Variants in SLC9D1 observed in about 807,000 individuals in gnomAD.
SLC9D1 encodes solute carrier family 9 member D1, also known as putative LAG1-interacting protein.
At chr13:113,496,064 G>T in the SLC9D1 span, 1 of 1,432,732 alleles carries the variant, frequency 7.0e-7, no homozygotes. Flanking sequence ...GAGGGAGAGG[G>T]AGAGAGAGGT....
chr13:113,520,858 C>T, the SLC9D1 span: 2 of 717,728 alleles, frequency 2.8e-6, no homozygotes, highest in Admixed American at 2.2e-5. Context: ...GTGCACAGTC[C>T]CTGGAGCAAC....
At chr13:113,518,722 A>G in the SLC9D1 span, among the ~76,000 whole-genome samples, 1 of 152,202 alleles carries the variant, frequency 6.6e-6, no homozygotes, top group Non-Finnish European at 1.5e-5. Context: ...TGATCTGTGA[A>G]GCCTCCGCAT....
the SLC9D1 span, among the ~76,000 whole-genome samples, chr13:113,546,244 G>T: frequency 1.3e-5 from 2 of 152,100 alleles, no homozygotes; most frequent in Non-Finnish European, 2.9e-5. The surrounding 1 kb of genome is among the most constrained non-coding windows in gnomAD (Gnocchi z 7.1). Context: ...CAGACATCCT[G>T]AGGGGAAGCA....
At chr13:113,513,332 C>T in the SLC9D1 span, among the ~76,000 whole-genome samples, 7 of 152,162 alleles carry the variant, frequency 4.6e-5, no homozygotes, top group African/African-American at 1.7e-4. Context: ...CCAGCAGTCC[C>T]CACAGGGCCC....
chr13:113,533,643 A>C, the SLC9D1 span, among the ~76,000 whole-genome samples: 1 of 152,192 alleles, frequency 6.6e-6, no homozygotes, highest in Non-Finnish European at 1.5e-5. Flanking sequence ...TGCCTTGCTG[A>C]CGGTCGCTGG....
the SLC9D1 span, among the ~76,000 whole-genome samples, chr13:113,521,162 GTA>G: frequency 5.3e-5 from 8 of 151,940 alleles, no homozygotes; most frequent in Admixed American, 1.3e-4. Flanking sequence ...TGCTTACGTG[GTA>G]TGTGTGTGTA....
chr13:113,497,929 C>T, the SLC9D1 span, among the ~76,000 whole-genome samples: 44 of 152,282 alleles, frequency 2.9e-4, no homozygotes, highest in African/African-American at 1.0e-3. Context: ...GAACAGCTTT[C>T]CCTTGTAACT....
At chr13:113,496,814 C>G in the SLC9D1 span, among the ~76,000 whole-genome samples, 1 of 152,126 alleles carries the variant, frequency 6.6e-6, no homozygotes, top group African/African-American at 2.4e-5. Context: ...AACACTGATT[C>G]ATTTGTCTTG....
At chr13:113,494,464 C>T in the SLC9D1 span, among the ~76,000 whole-genome samples, 1 of 152,124 alleles carries the variant, frequency 6.6e-6, no homozygotes, top group Non-Finnish European at 1.5e-5. Flanking sequence ...ACCACCTGGA[C>T]ACCACGGCTA....
At chr13:113,494,167 G>T in the SLC9D1 span, among the ~76,000 whole-genome samples, 4 of 152,250 alleles carry the variant, frequency 2.6e-5, no homozygotes, top group Admixed American at 2.6e-4. Flanking sequence ...ATTGGATGCT[G>T]CTATGAAGAA....
chr13:113,492,410 A>G, the SLC9D1 span, among the ~76,000 whole-genome samples: 11 of 152,242 alleles, frequency 7.2e-5, no homozygotes, highest in East Asian at 1.9e-4. Flanking sequence ...GTTTTCTCCA[A>G]TGGTAGCACC....
chr13:113,540,677 C>T, the SLC9D1 span, among the ~76,000 whole-genome samples: 5 of 152,200 alleles, frequency 3.3e-5, no homozygotes, highest in South Asian at 6.2e-4. Context: ...CTCTCGCATT[C>T]GTAGGCTGTC....
the SLC9D1 span, among the ~76,000 whole-genome samples, chr13:113,493,287 T>G: frequency 6.6e-6 from 1 of 152,210 alleles, no homozygotes; most frequent in African/African-American, 2.4e-5. Flanking sequence ...TGAAACTTAT[T>G]TTTCTGAAGC....
At chr13:113,523,479 T>C in the SLC9D1 span, among the ~76,000 whole-genome samples, 1 of 152,242 alleles carries the variant, frequency 6.6e-6, no homozygotes, top group South Asian at 2.1e-4. Context: ...TCTTTTGATG[T>C]CCACAGGGTC....
the SLC9D1 span, chr13:113,496,047 A>G: frequency 3.2e-6 from 5 of 1,542,492 alleles, no homozygotes; most frequent in East Asian, 2.3e-5. Context: ...AGAGGGAGAG[A>G]GAGAGAGAGG....
At chr13:113,544,236 C>T in the SLC9D1 span, among the ~76,000 whole-genome samples, 2 of 152,310 alleles carry the variant, frequency 1.3e-5, no homozygotes, top group African/African-American at 4.8e-5. Flanking sequence ...GGCTCGTGCC[C>T]GCTGGGTGAG....
At chr13:113,543,022 CACCCCCGG>C in the SLC9D1 span, among the ~76,000 whole-genome samples, 6 of 142,646 alleles carry the variant, frequency 4.2e-5, no homozygotes, top group Non-Finnish European at 7.6e-5. Context: ...CCTTGCTCTG[CACCCCCGG>C]CCCTCCGTGT....
chr13:113,526,664 A>G, the SLC9D1 span, among the ~76,000 whole-genome samples: 3 of 152,292 alleles, frequency 2.0e-5, no homozygotes, highest in South Asian at 6.2e-4. Flanking sequence ...GGCTGCAGTG[A>G]GCTGTGATCA....
chr13:113,520,574 T>G, the SLC9D1 span: 70,760 of 1,423,100 alleles, frequency 0.05, 2,140 homozygotes, highest in Non-Finnish European at 0.06. Flanking sequence ...TGGATACTTT[T>G]GAGTTGTCGT....
Sources: allele counts gnomAD v4.1 joint callset (sites outside exome capture counted in the v4.1 genomes callset), GRCh38; gene constraint gnomAD v4.1.1; non-coding constraint Gnocchi (gnomAD v3.1); transcripts MANE v1.5; gene names NCBI Gene and HGNC (gene_info 2026-07-23, HGNC 2026-07-21).